Variants in KIF18A observed in about 807,000 individuals in gnomAD.
KIF18A encodes the protein kinesin family member 18A, also known as kinesin-like protein KIF18A.
A neutral mutation model predicts 103.3 loss-of-function variants in KIF18A; 67 were observed. The ratio of observed to expected loss-of-function variants is 0.65; its 90% CI spans 0.53 to 0.79. The LOEUF (loss-of-function observed/expected upper bound fraction) is 0.79, where lower values mean the gene tolerates loss of function less well. KIF18A is among the 30% of genes least tolerant of loss of function. KIF18A has a pLI of 0.00. For synonymous variants in KIF18A, 367 were observed against 355.5 expected, an observed-to-expected ratio of 1.03 and a Z score of -0.36; for missense variants, 1,032 against 1,062.5, an observed-to-expected ratio of 0.97 and a Z score of 0.40.
Position 28,054,742 on chromosome 11 carries a change from C to T in KIF18A, c.1948+4184G>A, listed in dbSNP as rs1043293439. On this transcript the variant is annotated intron_variant, in intron 13 of 16. Coordinates refer to ENST00000263181, the MANE Select transcript of KIF18A (RefSeq NM_031217.4). ...TCATTTGAATGAAATAGTAAAGTAA[C>T]GAACCAAGAACAAAACATTATAAAA... 5.9e-5 allele frequency among the ~76,000 whole-genome samples: 9 copies of T among 152,042 alleles called. No individual in the cohort carries two copies. In the East Asian group the frequency reaches 7.7e-4, roughly 13 times the overall value.
intron 5 of KIF18A, 34 bp downstream of exon 5, chr11:28,090,583 C>T: frequency 8.9e-7 from 1 of 1,125,750 alleles, no homozygotes; most frequent in Non-Finnish European, 1.3e-6. Flanking sequence ...ATTTTAAATC[C>T]AATTTTAAGA....
intron 11 of KIF18A, among the ~76,000 whole-genome samples, chr11:28,065,923 C>G (rs1327987738): frequency 1.3e-5 from 2 of 151,998 alleles, no homozygotes; most frequent in African/African-American, 4.8e-5. Flanking sequence ...CTTAATGCCA[C>G]TGAACTGTAT....
chr11:28,083,265 G>A, intron 7 of KIF18A, 22 bp from the exon 8 acceptor site: 2 of 1,544,254 alleles, frequency 1.3e-6, no homozygotes, highest in Non-Finnish European at 1.7e-6. Flanking sequence ...TAGAAATTAT[G>A]ATTGTTTATA....
At chr11:28,090,861 T>TA in intron 4 of KIF18A, 134 bp from the exon 5 acceptor site, 1 of 601,696 alleles carries the variant, frequency 1.7e-6, no homozygotes, top group Non-Finnish European at 2.9e-6. Context: ...TATTAAATAC[T>TA]AACTTTGTCT....
At chr11:28,054,176 A>G (rs1037341202) in intron 13 of KIF18A, among the ~76,000 whole-genome samples, 10 of 152,104 alleles carry the variant, frequency 6.6e-5, no homozygotes, top group African/African-American at 2.2e-4. Context: ...AATGCCCAAC[A>G]ATATAGACTA....
chr11:28,102,077 T>C (rs1282358166), intron 1 of KIF18A, among the ~76,000 whole-genome samples: 1 of 152,194 alleles, frequency 6.6e-6, no homozygotes, highest in Non-Finnish European at 1.5e-5. Context: ...GCAAAGTTTC[T>C]TGTTGGAAAA....
At chr11:28,094,894 A>C in intron 2 of KIF18A, 94 bp from the exon 3 acceptor site, 1 of 1,239,776 alleles carries the variant, frequency 8.1e-7, no homozygotes, top group Admixed American at 1.9e-5. Context: ...GGATATCCTG[A>C]ACAGTATCTT....
At chr11:28,053,743 T>C (rs1231940181) in intron 13 of KIF18A, among the ~76,000 whole-genome samples, 2 of 151,762 alleles carry the variant, frequency 1.3e-5, no homozygotes, top group African/African-American at 4.8e-5. Flanking sequence ...AATAATCTAG[T>C]GTAAGAGCTG....
chr11:28,080,153 T>A (rs951932065), intron 9 of KIF18A, among the ~76,000 whole-genome samples: 1 of 152,084 alleles, frequency 6.6e-6, no homozygotes. Context: ...TTAAACTAAG[T>A]CTACAGGGTG....
chr11:28,098,051 AC>A, intron 1 of KIF18A, 58 bp from the exon 2 acceptor site: 1 of 855,524 alleles, frequency 1.2e-6, no homozygotes, highest in Non-Finnish European at 1.8e-6. Context: ...ATGCAAAACA[AC>A]TGGCATGTAG....
intron 6 of KIF18A, among the ~76,000 whole-genome samples, chr11:28,085,779 C>T (rs1851219894): frequency 6.6e-6 from 1 of 152,108 alleles, no homozygotes; most frequent in South Asian, 2.1e-4. Context: ...TGTCTTGTGT[C>T]TTTATTTATT....
intron 5 of KIF18A, among the ~76,000 whole-genome samples, chr11:28,090,227 A>G (rs1006749045): frequency 7.2e-5 from 11 of 152,212 alleles, no homozygotes; most frequent in African/African-American, 2.7e-4. Flanking sequence ...GCGACTATTT[A>G]CATGGTCCTT....
At chr11:28,095,089 C>G (rs1851352219) in intron 2 of KIF18A, among the ~76,000 whole-genome samples, 1 of 152,194 alleles carries the variant, frequency 6.6e-6, no homozygotes, top group Non-Finnish European at 1.5e-5. Context: ...CATCTTCCAT[C>G]TTCTTTATCC....
Position 28,084,601 on chromosome 11 carries a change from T to A in KIF18A, c.1074+31A>T, listed in dbSNP as rs749546055. Reference sequence around the variant, plus strand: ...ATAAAAATCATATGCAGACAATACCTTCACAACAAAGGCAGAGTAAACAGA... The same window carrying A: ...ATAAAAATCATATGCAGACAATACCATCACAACAAAGGCAGAGTAAACAGA... On this transcript the variant is annotated intron_variant, in intron 7 of 16. Transcript: ENST00000263181. 4 of 1,526,248 alleles carry A rather than the reference T, an allele frequency of 2.6e-6. No homozygotes were observed. In the African/African-American group the frequency reaches 5.5e-5, roughly 21 times the overall value. 94.5% of individuals were successfully genotyped at this position (1,526,248 alleles called of 1,614,324 possible).
chr11:28,046,929 C>A (rs2133509414), intron 13 of KIF18A, among the ~76,000 whole-genome samples: 1 of 150,852 alleles, frequency 6.6e-6, no homozygotes, highest in Middle Eastern at 3.4e-3. Flanking sequence ...TGGTGGGCGC[C>A]TGTAATCCCA....
chr11:28,096,687 G>T (rs1851379850), intron 2 of KIF18A, among the ~76,000 whole-genome samples: 1 of 152,164 alleles, frequency 6.6e-6, no homozygotes, highest in Non-Finnish European at 1.5e-5. Context: ...TTGATCAAGA[G>T]GGTATGTCTT....
chr11:28,041,139 AG>A (rs1296317713), intron 13 of KIF18A, among the ~76,000 whole-genome samples: 4 of 151,868 alleles, frequency 2.6e-5, no homozygotes, highest in Non-Finnish European at 4.4e-5. Context: ...ATACCATGCT[AG>A]GTACAGTGGT....
intron 13 of KIF18A, among the ~76,000 whole-genome samples, chr11:28,048,067 G>A (rs1305702188): frequency 6.6e-6 from 1 of 151,974 alleles, no homozygotes; most frequent in Non-Finnish European, 1.5e-5. Context: ...AGCAAAATAA[G>A]GCAAAGGAAG....
chr11:28,076,040 C>T (rs1482177632), intron 10 of KIF18A, among the ~76,000 whole-genome samples: 1 of 151,494 alleles, frequency 6.6e-6, no homozygotes, highest in Non-Finnish European at 1.5e-5. Flanking sequence ...CCTGGTATAC[C>T]CCTAGTATAA....
Sources: allele counts gnomAD v4.1 joint callset (sites outside exome capture counted in the v4.1 genomes callset), GRCh38; gene constraint gnomAD v4.1.1; transcripts MANE v1.5; gene names NCBI Gene and HGNC (gene_info 2026-07-23, HGNC 2026-07-21).